The following SLC7A5 variants were observed in gnomAD, a reference collection of about 807,000 sequenced individuals.
SLC7A5 encodes the protein large neutral amino acids transporter small subunit 1.
A neutral mutation model predicts 50.2 loss-of-function variants in SLC7A5; 23 were observed. That is an observed-to-expected ratio of 0.46 (90% CI 0.33 to 0.65). The LOEUF (loss-of-function observed/expected upper bound fraction) is 0.65, where lower values mean the gene tolerates loss of function less well. Ranked by LOEUF, SLC7A5 falls within the 30% of genes least tolerant of loss-of-function variation. The pLI, the probability that SLC7A5 is intolerant of heterozygous loss-of-function variation, is 0.02. For synonymous variants in SLC7A5, 393 were observed against 330.6 expected (o/e 1.19, Z -2.05); for missense variants, 578 against 684.4 (o/e 0.84, Z 1.73).
Position 87,869,329 on chromosome 16 carries a change from C to G in SLC7A5, c.94G>C (p.Ala32Pro). The G allele has an allele frequency of 6.2e-7, 1 of 1,610,262 alleles. No individual in the cohort carries two copies. Among genetic ancestry groups the G allele is most frequent in the Non-Finnish European group, 8.5e-7 (1 of 1,179,264 alleles). The change falls in exon 1 of 10, where the codon GCG (alanine) becomes CCG (proline). Residue 32 changes from alanine (A) to proline (P), a missense_variant. Physicochemically the swap from Ala to Pro is conservative, Grantham distance 27 (BLOSUM62 -1). Around this residue, in one of 2 missense-constraint regions of SLC7A5, gnomAD observed 113 missense variants for 89.8 expected, o/e 1.26. Coordinates refer to ENST00000261622, the MANE Select transcript of SLC7A5 (RefSeq NM_003486.7). ...AREKMLAAKS[A>P]DGSAPAGEGE... The stretch of plus-strand genomic sequence containing the variant: ...TCGCCTGCCGGCGCCGAGCCGTCCG[C>G]GCTCTTGGCGGCCAGCATCTTCTCC...
chr16:87,869,103 C>T lies in SLC7A5; in HGVS notation c.320G>A (p.Gly107Asp), dbSNP rs1405566361. The T allele has an allele frequency of 3.7e-6, 6 of 1,611,836 alleles. No homozygotes were observed. Among genetic ancestry groups the T allele is most frequent in the Non-Finnish European group, 5.1e-6 (6 of 1,179,770 alleles). Residue 107 changes from glycine to aspartate, a missense_variant, in exon 1 of 10, where the codon GGC (glycine) becomes GAC (aspartate). Physicochemically the swap from Gly to Asp is moderately conservative, Grantham distance 94 (BLOSUM62 -1). Around this residue, in one of 2 missense-constraint regions of SLC7A5, gnomAD observed 465 missense variants for 594.6 expected, o/e 0.78. Transcript: ENST00000261622. Reference sequence around the variant, plus strand: ...GCCGCCCGATTTGGAGATGGTGGTGCCGAGCTCCGCGTAGCAGAGCGCGCC... The same window carrying T: ...GCCGCCCGATTTGGAGATGGTGGTGTCGAGCTCCGCGTAGCAGAGCGCGCC... ...IVGALCYAEL[G>D]TTISKSGGDY... is the part of the protein sequence containing the mutation.
At chr16:87,854,249 G>A (rs2055284877) in intron 1 of SLC7A5, among the ~76,000 whole-genome samples, 1 of 152,054 alleles carries the variant, frequency 6.6e-6, no homozygotes, top group Non-Finnish European at 1.5e-5. Flanking sequence ...AAGTCAGGTG[G>A]GGAGCAAAAT....
At chr16:87,842,293 G>A (rs2055091446) in intron 2 of SLC7A5, among the ~76,000 whole-genome samples, 1 of 152,226 alleles carries the variant, frequency 6.6e-6, no homozygotes, top group African/African-American at 2.4e-5. Flanking sequence ...GCCAGGCAGG[G>A]ACGGGCCCTG....
intron 8 of SLC7A5, among the ~76,000 whole-genome samples, chr16:87,835,538 G>A (rs1197881854): frequency 6.6e-6 from 1 of 152,236 alleles, no homozygotes; most frequent in African/African-American, 2.4e-5. Flanking sequence ...CGTCCAGGCT[G>A]GAGTACAGTG....
At chr16:87,848,219 T>A (rs990561488) in intron 2 of SLC7A5, among the ~76,000 whole-genome samples, 27 of 152,266 alleles carry the variant, frequency 1.8e-4, no homozygotes, top group Non-Finnish European at 2.1e-4. Flanking sequence ...ACCTTTTTTT[T>A]AAATCTGCCC....
At chr16:87,847,799 G>C (rs1468760143) in intron 2 of SLC7A5, among the ~76,000 whole-genome samples, 1 of 152,180 alleles carries the variant, frequency 6.6e-6, no homozygotes, top group Non-Finnish European at 1.5e-5. Context: ...CTGAGTCTAA[G>C]GGGCCCTACT....
intron 2 of SLC7A5, among the ~76,000 whole-genome samples, chr16:87,845,104 G>A (rs2055133850): frequency 6.6e-6 from 1 of 152,184 alleles, no homozygotes; most frequent in Non-Finnish European, 1.5e-5. Flanking sequence ...CCAGGACCAG[G>A]ACCGTCTGCA....
rs187571677 is a variant in SLC7A5, at chr16:87,860,912, C to T, written c.538+7973G>A. Among the ~76,000 whole-genome samples, 1 of 152,304 alleles carries T rather than the reference C, an allele frequency of 6.6e-6. No individual in the cohort carries two copies. Among genetic ancestry groups the T allele is most frequent in the Admixed American group, 6.5e-5 (1 of 15,304 alleles). ...GCCAGGGATGCAGGGAGAGACGCCT[C>T]CCACACTCCCGGAGGCACGCACGTG... On this transcript the variant is annotated intron_variant, in intron 1 of 9. Transcript: ENST00000261622. The surrounding 1 kb of genome is among the most constrained non-coding windows in gnomAD (Gnocchi z 4.8).
chr16:87,842,869 G>GCCAAGATGCC lies in SLC7A5; in HGVS notation c.665-1715_665-1714insGGCATCTTGG, dbSNP rs71391359. Among the ~76,000 whole-genome samples the GCCAAGATGCC allele has an allele frequency of 3.7e-3, 565 of 151,940 alleles. 4 individuals are homozygous for GCCAAGATGCC. Among genetic ancestry groups the GCCAAGATGCC allele is most frequent in the African/African-American group, 0.012 (515 of 41,454 alleles). On this transcript the variant is annotated intron_variant, in intron 2 of 9. Transcript: ENST00000261622. ...ACAGGGCACTTTGCACAGCACCTCG[G>GCCAAGATGCC]CACAGCCCCTCTGGCCTCTCTCCCA... is the stretch of plus-strand genomic sequence containing the variant.
chr16:87,837,137 A>G (rs1464386524), intron 7 of SLC7A5, among the ~76,000 whole-genome samples: 1 of 152,198 alleles, frequency 6.6e-6, no homozygotes, highest in Admixed American at 6.5e-5. Flanking sequence ...TCAGGGAAGG[A>G]GTAGTAAGCA....
rs112374469 is a variant in SLC7A5 at position 87,862,216 on chromosome 16, C to T, written c.538+6669G>A. 8.2e-3 allele frequency among the ~76,000 whole-genome samples: 1,240 copies of T among 152,090 alleles called. 10 individuals are homozygous for T. The highest frequency in any genetic ancestry group is 0.028 in the African/African-American group (1,178 of 41,428). On this transcript the variant is annotated intron_variant, in intron 1 of 9. Transcript: ENST00000261622. This position sits in a 1 kb window ranked among gnomAD's most constrained non-coding sequence, Gnocchi z 5.3. ...AGGTTACAGGTGCTGGATACCCCAG[C>T]GGTTGGGGGGGTGGTGCTGGACACC...
chr16:87,840,092 G>T (rs1191799093), intron 4 of SLC7A5, among the ~76,000 whole-genome samples: 1 of 152,190 alleles, frequency 6.6e-6, no homozygotes, highest in Non-Finnish European at 1.5e-5. Flanking sequence ...TGACCTCAAG[G>T]GCTCAGGAGA....
rs1402159762 is a variant in SLC7A5 at position 87,862,540 on chromosome 16, C to G, written c.538+6345G>C. Among the ~76,000 whole-genome samples the G allele has an allele frequency of 6.6e-6, 1 of 152,248 alleles. No homozygotes were observed. Among genetic ancestry groups the G allele is most frequent in the Non-Finnish European group, 1.5e-5 (1 of 68,048 alleles). ...CTCCAGACTAAAGGAAACCCTGGCTCCTGTCTCTGGCTCTTCCCTCCCTCT... is the reference window on the plus strand; with the variant it reads ...CTCCAGACTAAAGGAAACCCTGGCTGCTGTCTCTGGCTCTTCCCTCCCTCT... On this transcript the variant is annotated intron_variant, in intron 1 of 9. Coordinates refer to ENST00000261622, the MANE Select transcript of SLC7A5 (RefSeq NM_003486.7). This position sits in a 1 kb window ranked among gnomAD's most constrained non-coding sequence, Gnocchi z 5.3.
chr16:87,863,086 C>T (rs2055419275), intron 1 of SLC7A5, among the ~76,000 whole-genome samples: 1 of 152,264 alleles, frequency 6.6e-6, no homozygotes, highest in Non-Finnish European at 1.5e-5. Flanking sequence ...GAGGGGGCTA[C>T]TTCTGCTTTC....
In SLC7A5 at chr16:87,853,384, G is replaced by C. The variant is rs1318253669; in HGVS notation, c.539-1535C>G. Among the ~76,000 whole-genome samples the C allele has an allele frequency of 2.6e-5, 4 of 152,204 alleles. No homozygotes were observed. The highest frequency in any genetic ancestry group is 4.4e-5 in the Non-Finnish European group (3 of 68,030). The stretch of plus-strand genomic sequence containing the variant: ...GGCTACTACACACCAGGAAAGTCTG[G>C]TTGAAAAATGTCTGAAAGTCAGTGT... On this transcript the variant is annotated intron_variant, in intron 1 of 9. Transcript: ENST00000261622. This position sits in a 1 kb window ranked among gnomAD's most constrained non-coding sequence, Gnocchi z 4.4.
chr16:87,838,881 T>C (rs2055046594), intron 5 of SLC7A5, 64 bp from the exon 6 acceptor site: 2 of 1,231,888 alleles, frequency 1.6e-6, no homozygotes, highest in African/African-American at 1.5e-5. Flanking sequence ...CTGTGCTCAC[T>C]GGGAGCCCTC....
chr16:87,835,640 AT>A (rs902648682), intron 8 of SLC7A5, among the ~76,000 whole-genome samples: 24 of 152,064 alleles, frequency 1.6e-4, no homozygotes, highest in Admixed American at 6.5e-4. Context: ...CGCCCAGCTA[AT>A]TTTTTTGTAT....
intron 8 of SLC7A5, among the ~76,000 whole-genome samples, chr16:87,835,744 G>C (rs778780857): frequency 1.6e-4 from 25 of 152,164 alleles, no homozygotes; most frequent in Admixed American, 9.8e-4. Context: ...AAAGTGCTGG[G>C]ATTACAGGCG....
At position 87,852,663 on chromosome 16, in the gene SLC7A5, T is replaced by C. The variant is rs1044783204; in HGVS notation, c.539-814A>G. 6.7e-6 allele frequency among the ~76,000 whole-genome samples: 1 copy of C among 150,262 alleles called. No homozygotes were observed. Among genetic ancestry groups the C allele is most frequent in the African/African-American group, 2.5e-5 (1 of 40,696 alleles). On this transcript the variant is annotated intron_variant, in intron 1 of 9. Coordinates refer to ENST00000261622, the MANE Select transcript of SLC7A5 (RefSeq NM_003486.7). The surrounding 1 kb of genome is among the most constrained non-coding windows in gnomAD (Gnocchi z 4.5). ...CTGTGTGTGTGTGTGTGTGTGTGTG[T>C]GTGTGTGTGTGTGTGTGTGTGTGTT... is the stretch of plus-strand genomic sequence containing the variant.
Sources: allele counts gnomAD v4.1 joint callset (sites outside exome capture counted in the v4.1 genomes callset), GRCh38; gene constraint gnomAD v4.1.1; regional missense constraint gnomAD v4.1.1; non-coding constraint Gnocchi (gnomAD v3.1); transcripts MANE v1.5; gene names NCBI Gene and HGNC (gene_info 2026-07-23, HGNC 2026-07-21).